Variants in CATSPERT observed in about 807,000 individuals in gnomAD.
CATSPERT encodes the protein catsper channel auxiliary subunit tau, also known as cation channel sperm-associated targeting subunit tau.
the CATSPERT span, chr2:201,492,047 C>T: frequency 6.5e-7 from 1 of 1,530,876 alleles, no homozygotes; most frequent in Non-Finnish European, 8.7e-7. Context: ...CTTTTCTGTT[C>T]CTTAATTAAA....
At chr2:201,537,730 T>A in the CATSPERT span, among the ~76,000 whole-genome samples, 1 of 151,836 alleles carries the variant, frequency 6.6e-6, no homozygotes, top group Non-Finnish European at 1.5e-5. Context: ...CATGCTATAT[T>A]TTTTAAAAGT....
chr2:201,531,122 A>G, the CATSPERT span, among the ~76,000 whole-genome samples: 3 of 151,438 alleles, frequency 2.0e-5, no homozygotes, highest in Non-Finnish European at 4.4e-5. Flanking sequence ...CACCACGCCC[A>G]GCTAATTTTT....
the CATSPERT span, among the ~76,000 whole-genome samples, chr2:201,618,454 G>A: frequency 4.0e-5 from 6 of 150,148 alleles, no homozygotes; most frequent in African/African-American, 1.2e-4. Flanking sequence ...GCAAACTATC[G>A]CAAGGACAGA....
the CATSPERT span, among the ~76,000 whole-genome samples, chr2:201,559,236 T>C: frequency 6.6e-6 from 1 of 152,066 alleles, no homozygotes; most frequent in Admixed American, 6.5e-5. Context: ...GTCCCCAGGC[T>C]GGGCAAGCAG....
the CATSPERT span, among the ~76,000 whole-genome samples, chr2:201,539,925 G>A: frequency 6.6e-6 from 1 of 152,106 alleles, no homozygotes; most frequent in African/African-American, 2.4e-5. Context: ...AGATGAGAAT[G>A]CAAAGGAAAA....
At chr2:201,545,300 A>C in the CATSPERT span, among the ~76,000 whole-genome samples, 1 of 151,766 alleles carries the variant, frequency 6.6e-6, no homozygotes, top group Non-Finnish European at 1.5e-5. Flanking sequence ...GCCTCCCAAA[A>C]TGCTGGGATT....
chr2:201,568,759 T>C, the CATSPERT span, among the ~76,000 whole-genome samples: 1 of 152,202 alleles, frequency 6.6e-6, no homozygotes. Flanking sequence ...ACTACTTTCA[T>C]AGATGGAGGG....
the CATSPERT span, chr2:201,603,300 A>G: frequency 1.3e-6 from 2 of 1,599,786 alleles, no homozygotes; most frequent in Non-Finnish European, 1.7e-6. Context: ...ACAAAAACAC[A>G]GACAGTGAAT....
chr2:201,579,328 C>T, the CATSPERT span, among the ~76,000 whole-genome samples: 35 of 152,238 alleles, frequency 2.3e-4, no homozygotes, highest in East Asian at 6.4e-3. Flanking sequence ...CAGCCTCGAC[C>T]TCACTGGGCT....
the CATSPERT span, among the ~76,000 whole-genome samples, chr2:201,546,407 A>C: frequency 6.6e-6 from 1 of 152,196 alleles, no homozygotes; most frequent in African/African-American, 2.4e-5. Context: ...TTTAATGTCC[A>C]GAATATACAA....
the CATSPERT span, chr2:201,549,898 T>A: frequency 6.6e-6 from 1 of 151,690 alleles, no homozygotes; most frequent in Non-Finnish European, 1.5e-5. Context: ...GTAAAATGAG[T>A]ATCTCTTCCC....
chr2:201,487,682 T>C, the CATSPERT span: 2 of 1,614,038 alleles, frequency 1.2e-6, no homozygotes, highest in Non-Finnish European at 1.7e-6. Flanking sequence ...ATCATTTATA[T>C]GAACTAAGCC....
the CATSPERT span, among the ~76,000 whole-genome samples, chr2:201,570,644 G>T: frequency 1.3e-5 from 2 of 152,126 alleles, no homozygotes; most frequent in Non-Finnish European, 2.9e-5. Context: ...CATGCAGTCT[G>T]GCTCTAGGGC....
the CATSPERT span, among the ~76,000 whole-genome samples, chr2:201,581,452 A>G: frequency 8.0e-6 from 1 of 125,782 alleles, no homozygotes; most frequent in African/African-American, 3.1e-5. Context: ...ATATATATAT[A>G]TATGTATACA....
chr2:201,574,227 A>C, the CATSPERT span: 1 of 1,604,268 alleles, frequency 6.2e-7, no homozygotes, highest in Non-Finnish European at 8.5e-7. Flanking sequence ...AAAATCCATA[A>C]CCAAAGTTTC....
At chr2:201,524,737 A>G in the CATSPERT span, among the ~76,000 whole-genome samples, 885 of 152,336 alleles carry the variant, frequency 5.8e-3, 13 homozygotes, top group East Asian at 0.036. Context: ...CTCACATGCA[A>G]TGACACCCAT....
chr2:201,600,924 G>C, the CATSPERT span, among the ~76,000 whole-genome samples: 3 of 152,088 alleles, frequency 2.0e-5, no homozygotes, highest in Middle Eastern at 0.01. Context: ...GCTAATTTTT[G>C]TATTTTTAGT....
the CATSPERT span, chr2:201,535,216 T>G: frequency 3.0e-6 from 3 of 984,908 alleles, no homozygotes; most frequent in African/African-American, 5.2e-5. Context: ...GATCTACCAT[T>G]CAAATAATGA....
At chr2:201,571,914 C>A in the CATSPERT span, 1 of 1,592,940 alleles carries the variant, frequency 6.3e-7, no homozygotes, top group Non-Finnish European at 8.6e-7. Flanking sequence ...ATGATCTGAC[C>A]ATATTAACGA....
Sources: gnomAD v4.1 joint callset for allele counts (sites outside exome capture counted in the v4.1 genomes callset) on GRCh38, gnomAD v4.1.1 for gene constraint, MANE v1.5 for transcripts, NCBI Gene and HGNC (gene_info 2026-07-23, HGNC 2026-07-21) for gene names.